The following CPSF3 variants were observed in gnomAD, a reference collection of about 807,000 sequenced individuals.
CPSF3 encodes cleavage and polyadenylation specific factor 3, also known as cleavage and polyadenylation specificity factor subunit 3.
A neutral mutation model predicts 84.1 loss-of-function variants in CPSF3; 57 were observed. That is an observed-to-expected ratio of 0.68 (90% confidence interval 0.55 to 0.85). The LOEUF (loss-of-function observed/expected upper bound fraction) is 0.85. CPSF3 is among the 40% of genes least tolerant of loss of function. The pLI is 0.00. For synonymous variants in CPSF3, 275 were observed against 278.1 expected (o/e 0.99, Z 0.11); for missense variants, 522 against 838.8 (o/e 0.62, Z 4.66).
At chr2:9,468,649 C>T (rs1293772214) in intron 16 of CPSF3, among the ~76,000 whole-genome samples, 7 of 110,084 alleles carry the variant, frequency 6.4e-5, no homozygotes, top group Admixed American at 1.3e-4. Context: ...TTTTTTGAGA[C>T]GGAGTCTCAC....
intron 15 of CPSF3, among the ~76,000 whole-genome samples, chr2:9,461,063 CAAAT>C (rs1188287608): frequency 1.3e-5 from 2 of 152,174 alleles, no homozygotes; most frequent in African/African-American, 4.8e-5. Context: ...ATAATACAAA[CAAAT>C]AAATACTTAG....
At chr2:9,468,119 T>C (rs896090738) in intron 16 of CPSF3, 1 of 217,380 alleles carries the variant, frequency 4.6e-6, no homozygotes, top group Non-Finnish European at 8.9e-6. Context: ...AATTATTTTA[T>C]ATATTTACTT....
chr2:9,424,266 G>A (rs1422216543), intron 1 of CPSF3: 4 of 987,808 alleles, frequency 4.0e-6, no homozygotes, highest in African/African-American at 3.5e-5. Context: ...TTAACACCAG[G>A]GCTTCACATG....
At chr2:9,425,557 G>C (rs530776852) in intron 1 of CPSF3, among the ~76,000 whole-genome samples, 1 of 152,128 alleles carries the variant, frequency 6.6e-6, no homozygotes, top group South Asian at 2.1e-4. Flanking sequence ...GGATTTTGTG[G>C]CTGATCAGCT....
intron 1 of CPSF3, among the ~76,000 whole-genome samples, chr2:9,428,028 GCT>G (rs1224036826): frequency 4.1e-5 from 6 of 146,490 alleles, no homozygotes; most frequent in African/African-American, 1.5e-4. Flanking sequence ...GCAGAGTCTC[GCT>G]CTGTTGCCCA....
intron 4 of CPSF3, among the ~76,000 whole-genome samples, 157 bp from the exon 5 acceptor site, chr2:9,432,354 A>AG (rs397702580): frequency 1.3e-5 from 2 of 151,946 alleles, no homozygotes; most frequent in African/African-American, 4.8e-5. Flanking sequence ...TAAAAAAAAA[A>AG]TACACAAAAT....
chr2:9,459,510 A>T, intron 14 of CPSF3, 21 bp from the exon 15 acceptor site: 1 of 1,581,154 alleles, frequency 6.3e-7, no homozygotes, highest in Non-Finnish European at 8.7e-7. Context: ...TCACTTCCTA[A>T]TTCTGCCTTT....
At chr2:9,430,909 C>T (rs758736741) in intron 4 of CPSF3, 29 bp downstream of exon 4, 6 of 1,595,294 alleles carry the variant, frequency 3.8e-6, no homozygotes, top group Non-Finnish European at 5.1e-6. Flanking sequence ...TTATACACGA[C>T]TTTGGCTCTA....
chr2:9,424,234 AG>A, intron 1 of CPSF3: 2 of 995,946 alleles, frequency 2.0e-6, no homozygotes, highest in Non-Finnish European at 2.4e-6. Flanking sequence ...ACAGCCGTGC[AG>A]GGAAGAATTA....
intron 10 of CPSF3, among the ~76,000 whole-genome samples, chr2:9,446,779 G>C (rs143030282): frequency 6.6e-6 from 1 of 151,622 alleles, no homozygotes; most frequent in Admixed American, 6.6e-5. Context: ...AATCTGTCTT[G>C]TAAGATAGAA....
rs577048303 is a variant in CPSF3 at position 9,447,374 on chromosome 2, G to A, written c.1243-824G>A. 5.3e-5 allele frequency among the ~76,000 whole-genome samples: 8 copies of A among 152,250 alleles called. No individual in the cohort carries two copies. The South Asian group carries it at 1.5e-3, about 28-fold the overall frequency. On this transcript the variant is annotated intron_variant, in intron 10 of 17. Coordinates refer to ENST00000238112, the MANE Select transcript of CPSF3 (RefSeq NM_016207.4). ...TGTGCCTGTAGTCCCAGCTACGTGG[G>A]AGGCTGAGGCAGGAGGATTGCTTGA...
At chr2:9,469,102 C>G (rs895166147) in intron 16 of CPSF3, among the ~76,000 whole-genome samples, 1 of 152,144 alleles carries the variant, frequency 6.6e-6, no homozygotes, top group Non-Finnish European at 1.5e-5. Flanking sequence ...TTACCATGGC[C>G]GTTGAAAAGG....
chr2:9,472,959 G>A lies in CPSF3; in HGVS notation c.1997G>A (p.Arg666Gln), dbSNP rs201003554. The A allele has an allele frequency of 1.5e-4, 247 of 1,613,780 alleles. No individual in the cohort carries two copies. Among genetic ancestry groups the A allele is most frequent in the Non-Finnish European group, 1.2e-4 (140 of 1,179,978 alleles). Residue 666 changes from arginine (R) to glutamine (Q), a missense_variant, in exon 18 of 18, where the codon CGA becomes CAA. Transcript: ENST00000238112. ...GGAAGTGAAGACGATGAATCCCTCC[G>A]AGAAATGGTGGAGCTGGCTGCACAG... ...EEGSEDDESL[R>Q]EMVELAAQRL...
intron 1 of CPSF3, among the ~76,000 whole-genome samples, chr2:9,425,289 T>A (rs1680343517): frequency 6.6e-6 from 1 of 152,234 alleles, no homozygotes; most frequent in Non-Finnish European, 1.5e-5. Context: ...GCACCTCGTA[T>A]ACACAGGAGT....
intron 10 of CPSF3, among the ~76,000 whole-genome samples, chr2:9,445,001 A>T (rs1363128943): frequency 6.6e-6 from 1 of 152,124 alleles, no homozygotes; most frequent in African/African-American, 2.4e-5. Context: ...TTACTGTGGT[A>T]AAATATCTAA....
intron 8 of CPSF3, 58 bp downstream of exon 8, chr2:9,440,724 A>T (rs1355748406): frequency 1.9e-6 from 3 of 1,551,078 alleles, no homozygotes; most frequent in Non-Finnish European, 2.7e-6. Context: ...CATTAGTAGT[A>T]GGAGGTACGA....
intron 1 of CPSF3, among the ~76,000 whole-genome samples, chr2:9,428,145 C>T (rs1285588505): frequency 2.0e-5 from 3 of 151,536 alleles, no homozygotes; most frequent in Non-Finnish European, 2.9e-5. Context: ...TACAGGTGTC[C>T]GCCACCACGC....
intron 13 of CPSF3, 41 bp from the exon 14 acceptor site, chr2:9,456,892 C>T: frequency 2.5e-6 from 3 of 1,206,294 alleles, no homozygotes; most frequent in Admixed American, 2.2e-5. Context: ...GGAAGATTAT[C>T]AGAAAAGTAT....
At chr2:9,436,774 A>AAAAAAAAAAAATAATAATAATAAT (rs139337028) in intron 7 of CPSF3, among the ~76,000 whole-genome samples, 13 of 142,998 alleles carry the variant, frequency 9.1e-5, no homozygotes, top group African/African-American at 3.4e-4. Context: ...CCATCTCAAA[A>AAAAAAAAAAAATAATAATAATAAT]AATAATAATA....
Sources: gnomAD v4.1 joint callset for allele counts (sites outside exome capture counted in the v4.1 genomes callset) on GRCh38, gnomAD v4.1.1 for gene constraint, MANE v1.5 for transcripts, NCBI Gene and HGNC (gene_info 2026-07-23, HGNC 2026-07-21) for gene names.